DSTN: variants seen among roughly 807,000 people sequenced by gnomAD.
The protein encoded by DSTN is destrin.
Under a neutral mutation model 16.8 loss-of-function variants are expected in DSTN, and 10 were observed. The ratio of observed to expected loss-of-function variants is 0.60; its 90% CI spans 0.37 to 1.01. The LOEUF (loss-of-function observed/expected upper bound fraction) is 1.01, where lower values mean the gene tolerates loss of function less well. Among genes scored for constraint, DSTN ranks in the 50% least tolerant of loss-of-function variants. The probability of loss-of-function intolerance (pLI) is 0.01; values close to 1 mark genes in which losing one functional copy is unlikely to be tolerated. For missense variants in DSTN, 141 were observed against 196.7 expected, an observed-to-expected ratio of 0.72 and a Z score of 1.69; for synonymous variants, 57 against 58.9, an observed-to-expected ratio of 0.97 and a Z score of 0.14.
intron 1 of DSTN, among the ~76,000 whole-genome samples, chr20:17,572,135 T>G (rs1404316742): frequency 6.6e-6 from 1 of 152,200 alleles, no homozygotes; most frequent in Non-Finnish European, 1.5e-5. Flanking sequence ...AGATTAAATT[T>G]TAACTACCGA....
At chr20:17,606,851 G>C (rs552397159) in intron 3 of DSTN, among the ~76,000 whole-genome samples, 186 bp from the exon 4 acceptor site, 7 of 152,320 alleles carry the variant, frequency 4.6e-5, no homozygotes, top group African/African-American at 1.4e-4. Flanking sequence ...AATGCTGTTT[G>C]TGAGGCCCAT....
Position 17,607,625 on chromosome 20 carries a change from TAA to T in DSTN, c.*480_*481del, listed in dbSNP as rs1288440929. ...AACACTAATACACTAATAGTAAGAT[TAA>T]GTTAGGCAGTCTTCTACCAAATGTG... On this transcript the variant is annotated 3_prime_UTR_variant, in exon 4 of 4. Coordinates refer to ENST00000246069, the MANE Select transcript of DSTN (RefSeq NM_006870.4). The T allele has an allele frequency of 6.6e-6, 1 of 152,554 alleles. No individual in the cohort carries two copies. The highest frequency in any genetic ancestry group is 1.5e-5 in the Non-Finnish European group (1 of 68,316). The allele number at this position is 152,554 out of a possible 1,614,324, so 9.5% of individuals were successfully genotyped here. A position where few individuals can be genotyped will look rare whatever the true frequency, so the allele number is the denominator to read the frequency against.
intron 1 of DSTN, among the ~76,000 whole-genome samples, chr20:17,583,166 A>G (rs574829775): frequency 1.3e-5 from 2 of 152,376 alleles, no homozygotes; most frequent in South Asian, 4.1e-4. Flanking sequence ...ACCTGCTAAG[A>G]CAGCTATAAT....
chr20:17,604,143 A>G (rs567334256), intron 2 of DSTN, among the ~76,000 whole-genome samples: 79 of 152,314 alleles, frequency 5.2e-4, no homozygotes, highest in Non-Finnish European at 1.0e-3. Context: ...CTTTTTTCCA[A>G]CTAGAAAAAC....
intron 1 of DSTN, among the ~76,000 whole-genome samples, chr20:17,583,290 A>C (rs2122174883): frequency 6.7e-6 from 1 of 148,794 alleles, no homozygotes; most frequent in Non-Finnish European, 1.5e-5. Context: ...GCAGTGCCTG[A>C]AAAAATTAAA....
chr20:17,583,563 A>G (rs2035369459), intron 1 of DSTN, among the ~76,000 whole-genome samples: 1 of 151,994 alleles, frequency 6.6e-6, no homozygotes, highest in Admixed American at 6.6e-5. Flanking sequence ...AACATTGAAA[A>G]TATGCTAAGT....
intron 1 of DSTN, among the ~76,000 whole-genome samples, chr20:17,580,066 G>A (rs1331849321): frequency 6.6e-6 from 1 of 152,154 alleles, no homozygotes; most frequent in Non-Finnish European, 1.5e-5. Flanking sequence ...GAAAAGAGTT[G>A]GAGGAGTGCA....
chr20:17,581,018 A>T (rs2035337273), intron 1 of DSTN, among the ~76,000 whole-genome samples: 1 of 152,194 alleles, frequency 6.6e-6, no homozygotes, highest in Non-Finnish European at 1.5e-5. Flanking sequence ...ACTAGACCAG[A>T]AAGGGCCATT....
chr20:17,586,519 G>C (rs2035410392), intron 1 of DSTN, among the ~76,000 whole-genome samples: 1 of 152,178 alleles, frequency 6.6e-6, no homozygotes, highest in African/African-American at 2.4e-5. Context: ...TGTTGATATG[G>C]CTTTGCTGTT....
chr20:17,605,517 C>T (rs1196462190), intron 3 of DSTN, among the ~76,000 whole-genome samples: 1 of 152,148 alleles, frequency 6.6e-6, no homozygotes, highest in Non-Finnish European at 1.5e-5. Context: ...CATGGTAGAA[C>T]AGGTTTGCCC....
chr20:17,606,881 T>TA (rs1371023263), intron 3 of DSTN, among the ~76,000 whole-genome samples, 156 bp from the exon 4 acceptor site: 1 of 152,258 alleles, frequency 6.6e-6, no homozygotes, highest in Non-Finnish European at 1.5e-5. Flanking sequence ...TGCATGTAGT[T>TA]ACAATTATTT....
intron 1 of DSTN, among the ~76,000 whole-genome samples, chr20:17,574,292 C>T (rs953569918): frequency 6.6e-6 from 1 of 152,172 alleles, no homozygotes; most frequent in African/African-American, 2.4e-5. Context: ...TTCCAGGCCC[C>T]TTAGCCAGCT....
chr20:17,601,140 A>G (rs2035583028), intron 2 of DSTN, 95 bp downstream of exon 2: 4 of 1,397,900 alleles, frequency 2.9e-6, no homozygotes, highest in Non-Finnish European at 3.8e-6. Context: ...TATTCAAACT[A>G]TTTGCAGTTG....
chr20:17,596,579 C>T (rs2035528993), intron 1 of DSTN: 1 of 975,598 alleles, frequency 1.0e-6, no homozygotes, highest in African/African-American at 1.8e-5. Context: ...TTTTTAACCT[C>T]ACTGCTGTAG....
intron 1 of DSTN, among the ~76,000 whole-genome samples, chr20:17,575,092 G>A (rs1266357464): frequency 6.6e-6 from 1 of 151,482 alleles, no homozygotes; most frequent in Non-Finnish European, 1.5e-5. Flanking sequence ...CAATCTTCCC[G>A]CTTTGGCCTC....
chr20:17,606,947 A>C, intron 3 of DSTN, 90 bp from the exon 4 acceptor site: 3 of 1,243,242 alleles, frequency 2.4e-6, no homozygotes, highest in Non-Finnish European at 3.5e-6. Flanking sequence ...TATCCAGATT[A>C]GAACTGGTCT....
At chr20:17,596,242 C>T (rs540573859) in intron 1 of DSTN, among the ~76,000 whole-genome samples, 1 of 152,094 alleles carries the variant, frequency 6.6e-6, no homozygotes, top group South Asian at 2.1e-4. Flanking sequence ...TTAATTTTTA[C>T]GTACTCAGTG....
At chr20:17,604,451 G>C in intron 2 of DSTN, 104 bp from the exon 3 acceptor site, 2 of 1,183,796 alleles carry the variant, frequency 1.7e-6, no homozygotes, top group Non-Finnish European at 2.4e-6. Context: ...TCTCAGGAGA[G>C]TCTGAGGATT....
intron 2 of DSTN, among the ~76,000 whole-genome samples, chr20:17,602,060 T>C (rs1411812594): frequency 2.0e-5 from 3 of 151,920 alleles, no homozygotes; most frequent in Admixed American, 1.3e-4. Context: ...AAAAGGGATA[T>C]GGGAGTAGGA....
Sources: gnomAD v4.1 joint callset for allele counts (sites outside exome capture counted in the v4.1 genomes callset) on GRCh38, gnomAD v4.1.1 for gene constraint, MANE v1.5 for transcripts, NCBI Gene and HGNC (gene_info 2026-07-23, HGNC 2026-07-21) for gene names.